Variants in NRCAM observed in about 807,000 individuals in gnomAD.
The protein encoded by NRCAM is neuronal cell adhesion molecule.
A neutral mutation model predicts 156.5 loss-of-function variants in NRCAM; 83 were observed. The observed-to-expected ratio is 0.53, with a 90% confidence interval of 0.44 to 0.64. The LOEUF (loss-of-function observed/expected upper bound fraction) is 0.64, where lower values mean the gene tolerates loss of function less well. Ranked by LOEUF, NRCAM falls within the 30% of genes least tolerant of loss-of-function variation. The pLI, the probability that NRCAM is intolerant of heterozygous loss-of-function variation, is 0.00. For synonymous variants in NRCAM, 538 were observed against 563.9 expected, an observed-to-expected ratio of 0.95 and a Z score of 0.65; for missense variants, 1,417 against 1,597.3, an observed-to-expected ratio of 0.89 and a Z score of 1.92.
intron 1 of NRCAM, among the ~76,000 whole-genome samples, chr7:108,414,257 C>A (rs967983055): frequency 3.3e-5 from 5 of 152,202 alleles, no homozygotes; most frequent in African/African-American, 1.2e-4. Flanking sequence ...GACCTGTCTG[C>A]AAGACAGTGT....
intron 1 of NRCAM, among the ~76,000 whole-genome samples, chr7:108,432,538 G>A (rs181527922): frequency 4.3e-4 from 65 of 152,338 alleles, no homozygotes; most frequent in Middle Eastern, 3.4e-3. Flanking sequence ...TGAGTATTTA[G>A]TGTGCACACT....
intron 3 of NRCAM, among the ~76,000 whole-genome samples, chr7:108,303,182 G>A (rs1036602784): frequency 6.6e-6 from 1 of 151,976 alleles, no homozygotes; most frequent in African/African-American, 2.4e-5. Flanking sequence ...GGCTGGTCTT[G>A]AACTCCTGAC....
chr7:108,433,144 TTC>T (rs1028953488), intron 1 of NRCAM, among the ~76,000 whole-genome samples: 2 of 152,178 alleles, frequency 1.3e-5, no homozygotes, highest in Non-Finnish European at 2.9e-5. Flanking sequence ...GCTTCTGTGC[TTC>T]TGTGTGTAGA....
At chr7:108,298,872 G>A (rs1023154991) in intron 3 of NRCAM, among the ~76,000 whole-genome samples, 10 of 150,976 alleles carry the variant, frequency 6.6e-5, no homozygotes, top group South Asian at 4.2e-4. Flanking sequence ...TTGTGAAGCC[G>A]AGGCGGGCAG....
At chr7:108,403,179 CTCTAA>C (rs1399171901) in intron 1 of NRCAM, among the ~76,000 whole-genome samples, 8 of 152,180 alleles carry the variant, frequency 5.3e-5, no homozygotes, top group African/African-American at 1.9e-4. Context: ...GTTAATATTT[CTCTAA>C]TCTTTTTGTA....
At chr7:108,387,551 AATTT>A (rs545861738) in intron 2 of NRCAM, among the ~76,000 whole-genome samples, 39 of 152,026 alleles carry the variant, frequency 2.6e-4, no homozygotes, top group East Asian at 2.5e-3. Flanking sequence ...GTTTTTTTAA[AATTT>A]ATTTATTTAT....
chr7:108,160,731 A>C (rs58496724), intron 30 of NRCAM, among the ~76,000 whole-genome samples: 24,307 of 152,206 alleles, frequency 0.16, 2,592 homozygotes, highest in African/African-American at 0.31. Flanking sequence ...TAAATGCTAA[A>C]AACCCCTGGT....
At chr7:108,452,036 C>A (rs986435191) in intron 1 of NRCAM, among the ~76,000 whole-genome samples, 3 of 152,162 alleles carry the variant, frequency 2.0e-5, no homozygotes, top group African/African-American at 7.2e-5. Context: ...TAAAGACAAC[C>A]TGATAATGAA....
intron 2 of NRCAM, among the ~76,000 whole-genome samples, chr7:108,335,171 G>A (rs2099166663): frequency 6.6e-6 from 1 of 152,124 alleles, no homozygotes. Flanking sequence ...TGTAGTGTTA[G>A]TGCACTCTCT....
intron 2 of NRCAM, among the ~76,000 whole-genome samples, chr7:108,358,061 A>C (rs576072454): frequency 6.6e-6 from 1 of 152,022 alleles, no homozygotes; most frequent in Non-Finnish European, 1.5e-5. Context: ...AAAAACCACA[A>C]ATGTTCCCTT....
intron 3 of NRCAM, among the ~76,000 whole-genome samples, chr7:108,276,926 C>G (rs983302102): frequency 6.6e-6 from 1 of 152,130 alleles, no homozygotes; most frequent in Non-Finnish European, 1.5e-5. Flanking sequence ...GTAAGGCAGG[C>G]CTGGTGGTGA....
chr7:108,275,866 C>T (rs2097577112), intron 3 of NRCAM, among the ~76,000 whole-genome samples: 1 of 152,016 alleles, frequency 6.6e-6, no homozygotes, highest in African/African-American at 2.4e-5. Flanking sequence ...CTCTTGTGGG[C>T]ATTTAGTGCT....
At chr7:108,242,258 C>CAA (rs11413420) in intron 3 of NRCAM, among the ~76,000 whole-genome samples, 34,383 of 98,182 alleles carry the variant, frequency 0.35, 6,612 homozygotes, top group African/African-American at 0.41. Flanking sequence ...GACCCCGTCT[C>CAA]AAAAAAAAAA....
chr7:108,154,971 A>G (rs2044104695), intron 32 of NRCAM, among the ~76,000 whole-genome samples: 1 of 151,994 alleles, frequency 6.6e-6, no homozygotes, highest in Non-Finnish European at 1.5e-5. Flanking sequence ...TTGTAATGAA[A>G]TAGTAAATAA....
intron 3 of NRCAM, among the ~76,000 whole-genome samples, chr7:108,276,179 C>T (rs1008838242): frequency 5.3e-5 from 8 of 151,944 alleles, no homozygotes; most frequent in East Asian, 3.9e-4. Context: ...AGAATAAGTG[C>T]GATGTGGTGC....
At chr7:108,238,927 AAATAATAAT>A in intron 4 of NRCAM, among the ~76,000 whole-genome samples, 1 of 151,720 alleles carries the variant, frequency 6.6e-6, no homozygotes, top group Admixed American at 6.6e-5. Flanking sequence ...TGGTAATAAT[AAATAATAAT>A]AATAATAATA....
chr7:108,443,683 A>T (rs1841130385), intron 1 of NRCAM, among the ~76,000 whole-genome samples: 1 of 152,220 alleles, frequency 6.6e-6, no homozygotes, highest in Non-Finnish European at 1.5e-5. Flanking sequence ...CACTTGATGG[A>T]GGCAGCAAAG....
At chr7:108,167,996 TG>T (rs1470410713) in intron 29 of NRCAM, among the ~76,000 whole-genome samples, 1 of 152,218 alleles carries the variant, frequency 6.6e-6, no homozygotes, top group Non-Finnish European at 1.5e-5. Flanking sequence ...CTTGTTTATG[TG>T]TTGTGGGCAC....
At chr7:108,402,415 A>T (rs2099795320) in intron 1 of NRCAM, among the ~76,000 whole-genome samples, 1 of 152,240 alleles carries the variant, frequency 6.6e-6, no homozygotes, top group South Asian at 2.1e-4. Context: ...TATCCTAATT[A>T]TACTGTGTCA....
Sources: gnomAD v4.1 joint callset for allele counts (sites outside exome capture counted in the v4.1 genomes callset) on GRCh38, gnomAD v4.1.1 for gene constraint, MANE v1.5 for transcripts, NCBI Gene and HGNC (gene_info 2026-07-23, HGNC 2026-07-21) for gene names.